KIAA1549: variants seen among roughly 807,000 people sequenced by gnomAD.
The protein encoded by KIAA1549 is UPF0606 protein KIAA1549.
Under a neutral mutation model 156.4 loss-of-function variants are expected in KIAA1549, and 70 were observed. That is an observed-to-expected ratio of 0.45 (90% CI 0.37 to 0.55). The LOEUF (loss-of-function observed/expected upper bound fraction) is 0.55, where lower values mean the gene tolerates loss of function less well. Among genes scored for constraint, KIAA1549 ranks in the 20% least tolerant of loss-of-function variants. The pLI is 0.00. For synonymous variants in KIAA1549, 1,103 were observed against 1,066.4 expected (o/e 1.03, Z -0.67); for missense variants, 2,428 against 2,540.9 (o/e 0.96, Z 0.96).
chr7:138,871,188 C>T lies in KIAA1549; in HGVS notation c.4520G>A (p.Arg1507Gln), dbSNP rs776540504. 7 of 1,612,980 alleles carry T rather than the reference C, an allele frequency of 4.3e-6. No homozygotes were observed. The highest frequency in any genetic ancestry group is 1.3e-5 in the African/African-American group (1 of 74,930). ...PPVQRPSPAD[R>Q]VAESNKINKE... ...GTTGATTTTATTGCTTTCCGCCACT[C>T]GGTCGGCTGGGGAGGGGCGCTGGAC... Residue 1507 changes from arginine (R) to glutamine (Q), a missense_variant, in exon 13 of 20, where the codon CGA becomes CAA. This residue lies in a region of KIAA1549 where 404 missense variants were observed against 417.0 expected (regional missense o/e 0.97). Coordinates refer to ENST00000422774, the MANE Select transcript of KIAA1549 (RefSeq NM_001164665.2).
At chr7:138,841,634 C>A (rs1185957370) in intron 18 of KIAA1549, among the ~76,000 whole-genome samples, 1 of 152,172 alleles carries the variant, frequency 6.6e-6, no homozygotes, top group African/African-American at 2.4e-5. Context: ...CAGACTGGAA[C>A]CACAAAGGCT....
At chr7:138,980,821 G>C (rs576622557) in intron 1 of KIAA1549, among the ~76,000 whole-genome samples, 1 of 152,206 alleles carries the variant, frequency 6.6e-6, no homozygotes, top group Non-Finnish European at 1.5e-5. Context: ...GACCCGCTTC[G>C]GGTTCCATGG....
rs1023696884 is a variant in KIAA1549, at chr7:138,868,105, T to C, written c.4799A>G (p.Lys1600Arg). The C allele has an allele frequency of 6.2e-6, 10 of 1,613,518 alleles. No homozygotes were observed. In the Middle Eastern group the frequency reaches 6.6e-4, roughly 106 times the overall value. ...GTTGACCTGGTGTTTCCGGCGAGGC[T>C]TGGGAGAACGTTTTATCCGTGAGCT... ...RKSSRIKRSP[K>R]PRRKHQVNGC... Residue 1600 changes from lysine to arginine, a missense_variant, in exon 15 of 20, where the codon AAG becomes AGG. Physicochemically the swap from Lys to Arg is conservative, Grantham distance 26. Transcript: ENST00000422774.
chr7:138,958,916 T>C lies in KIAA1549; in HGVS notation c.187+22167A>G, dbSNP rs373305827. 3.6e-4 allele frequency among the ~76,000 whole-genome samples: 55 copies of C among 152,294 alleles called. No individual in the cohort carries two copies. In the East Asian group the frequency reaches 0.01, roughly 28 times the overall value. On this transcript the variant is annotated intron_variant, in intron 1 of 19. Coordinates refer to ENST00000422774, the MANE Select transcript of KIAA1549 (RefSeq NM_001164665.2). ...TTGTTTTGTTTAGTTTGTTTCGTTT[T>C]TGAGATAGAGTGTTGCTCTGTCACC... is the stretch of plus-strand genomic sequence containing the variant.
In KIAA1549 at chr7:138,917,218, G is replaced by A. The variant is rs1204121587; in HGVS notation, c.2408C>T (p.Ser803Phe). The A allele has an allele frequency of 6.2e-7, 1 of 1,613,982 alleles. No homozygotes were observed. Among genetic ancestry groups the A allele is most frequent in the Non-Finnish European group, 8.5e-7 (1 of 1,179,900 alleles). ...AGGAGGTGTCAGAGTTGAGAACAAA[G>A]AAGACTCAGTTAAAATGGGCGTTGT... ...VHTTPILTES[S>F]LFSTLTPPDD... is the part of the protein sequence containing the mutation. The change falls in exon 2 of 20, where the codon TCT becomes TTT. Residue 803 changes from serine to phenylalanine, a missense_variant. By Grantham distance (155) the Ser-to-Phe change is radical. Transcript: ENST00000422774.
chr7:138,929,012 G>T (rs1812799125), intron 1 of KIAA1549, among the ~76,000 whole-genome samples: 1 of 152,184 alleles, frequency 6.6e-6, no homozygotes, highest in South Asian at 2.1e-4. Context: ...TTTGTTGGTG[G>T]TGTTTTATCT....
chr7:138,884,050 A>G (rs34851167), intron 10 of KIAA1549, among the ~76,000 whole-genome samples: 69,609 of 152,018 alleles, frequency 0.46, 17,288 homozygotes, highest in African/African-American at 0.65. Flanking sequence ...TCAGGGAGGG[A>G]AGAGGGGCTG....
chr7:138,937,736 C>T (rs185019266), intron 1 of KIAA1549, among the ~76,000 whole-genome samples: 2 of 152,192 alleles, frequency 1.3e-5, no homozygotes, highest in East Asian at 3.9e-4. Context: ...CAAGAGGAGC[C>T]TGTCGTTTGA....
intron 15 of KIAA1549, among the ~76,000 whole-genome samples, chr7:138,863,693 C>T (rs1304456058): frequency 1.3e-5 from 2 of 152,150 alleles, no homozygotes; most frequent in South Asian, 2.1e-4. Flanking sequence ...CACCAACTGC[C>T]GTGAAGCAGC....
At chr7:138,908,576 G>A (rs1812074373) in intron 5 of KIAA1549, among the ~76,000 whole-genome samples, 1 of 152,068 alleles carries the variant, frequency 6.6e-6, no homozygotes, top group Non-Finnish European at 1.5e-5. Context: ...AGGAAAGAAT[G>A]TAGAGGGAAA....
rs1001472946 is a variant in KIAA1549, at chr7:138,838,930, CAAG to C, written c.5599-773_5599-771del. Among the ~76,000 whole-genome samples the C allele has an allele frequency of 5.7e-4, 87 of 152,182 alleles. 1 individual carries two copies. The highest frequency in any genetic ancestry group is 2.0e-3 in the African/African-American group (85 of 41,502). On this transcript the variant is annotated intron_variant, in intron 19 of 19. Coordinates refer to ENST00000422774, the MANE Select transcript of KIAA1549 (RefSeq NM_001164665.2). ...TTGTAACCCCAATCCTTTGGGAGGC[CAAG>C]GAGAGAGGATTGCTTGAGGCCAGGA...
At chr7:138,878,811 A>G (rs925286474) in intron 12 of KIAA1549, among the ~76,000 whole-genome samples, 2 of 138,554 alleles carry the variant, frequency 1.4e-5, no homozygotes, top group African/African-American at 5.0e-5. Context: ...TGATCTTTGC[A>G]TTACTGAAAT....
In KIAA1549 at chr7:138,832,190, C is replaced by CTTTTTTTTTTT. The variant is rs1563039449; in HGVS notation, c.*5715_*5716insAAAAAAAAAAA. The CTTTTTTTTTTT allele has an allele frequency of 4.0e-4, 68 of 169,946 alleles. 1 individual carries two copies. The highest frequency in any genetic ancestry group is 2.2e-3 in the South Asian group (9 of 4,146). The allele number at this position is 169,946 out of a possible 1,614,324, so 10.5% of individuals were successfully genotyped here. On this transcript the variant is annotated 3_prime_UTR_variant, in exon 20 of 20. Transcript: ENST00000422774. ...TTCACCTCTGTCCCTTTTACCTATTCCTTTTTTTTTTTTTTTTTTTTCCAG... is the reference window on the plus strand; with the variant it reads ...TTCACCTCTGTCCCTTTTACCTATTCTTTTTTTTTTTCTTTTTTTTTTTTTTTTTTTTCCAG...
At position 138,919,337 on chromosome 7, in the gene KIAA1549, T is replaced by C; in HGVS notation, c.289A>G (p.Thr97Ala). ...HSAAQVALTETAPGSQHSSPL... is the reference protein window; with the variant it reads ...HSAAQVALTEAAPGSQHSSPL... ...CTGCTGTGCTGGGAGCCGGGAGCAG[T>C]TTCTGTTAAGGCCACTTGTGCAGCG... The change falls in exon 2 of 20, where the codon ACT becomes GCT. Residue 97 changes from threonine to alanine, a missense_variant. Thr to Ala is a moderately conservative substitution (Grantham distance 58). Around this residue, in one of 5 missense-constraint regions of KIAA1549, gnomAD observed 893 missense variants for 847.9 expected, o/e 1.05. Transcript: ENST00000422774. The C allele has an allele frequency of 6.2e-7, 1 of 1,613,958 alleles. No individual in the cohort carries two copies. The highest frequency in any genetic ancestry group is 1.1e-5 in the South Asian group (1 of 91,070).
At chr7:138,881,274 G>C (rs1811233217) in intron 11 of KIAA1549, 114 bp downstream of exon 11, 4 of 1,028,372 alleles carry the variant, frequency 3.9e-6, no homozygotes, top group Admixed American at 2.6e-5. Context: ...CAGTCTGCTG[G>C]GCTGCACATG....
At chr7:138,970,906 C>A (rs1755349487) in intron 1 of KIAA1549, among the ~76,000 whole-genome samples, 1 of 152,110 alleles carries the variant, frequency 6.6e-6, no homozygotes, top group African/African-American at 2.4e-5. Flanking sequence ...TAGCACCCAA[C>A]ACAGTAAGTG....
intron 1 of KIAA1549, among the ~76,000 whole-genome samples, chr7:138,956,698 T>G (rs905991829): frequency 6.6e-6 from 1 of 152,208 alleles, no homozygotes. Flanking sequence ...CCTCTTTTTC[T>G]TTATAAATTA....
intron 7 of KIAA1549, 138 bp downstream of exon 7, chr7:138,904,884 T>C: frequency 3.4e-6 from 2 of 593,828 alleles, no homozygotes; most frequent in Middle Eastern, 2.6e-4. Flanking sequence ...TGAATCCCTT[T>C]CCATTCATTC....
Position 138,831,995 on chromosome 7 carries a change from A to T in KIAA1549, c.*5911T>A. 1 of 232,162 alleles carries T rather than the reference A, an allele frequency of 4.3e-6. No individual in the cohort carries two copies. Among genetic ancestry groups the T allele is most frequent in the Non-Finnish European group, 8.5e-6 (1 of 117,386 alleles). The allele number at this position is 232,162 out of a possible 1,614,324, so 14.4% of individuals were successfully genotyped here. The stretch of plus-strand genomic sequence containing the variant: ...ACATTTGCAGGAGGAACAGTACAGC[A>T]TATGCGACTTGAACTTGGCCCTGTA... On this transcript the variant is annotated 3_prime_UTR_variant, in exon 20 of 20. Transcript: ENST00000422774.
Sources: gnomAD v4.1 joint callset for allele counts (sites outside exome capture counted in the v4.1 genomes callset) on GRCh38, gnomAD v4.1.1 for gene constraint, gnomAD v4.1.1 regional missense constraint, MANE v1.5 for transcripts, NCBI Gene and HGNC (gene_info 2026-07-23, HGNC 2026-07-21) for gene names.